Variants in ISM1 observed in about 807,000 individuals in gnomAD.
The protein encoded by ISM1 is isthmin-1.
ISM1 carries 25 observed loss-of-function variants against 46.3 expected under a neutral mutation model. The ratio of observed to expected loss-of-function variants is 0.54; its 90% CI spans 0.39 to 0.75. The LOEUF is 0.75. Among genes scored for constraint, ISM1 ranks in the 30% least tolerant of loss-of-function variants. The pLI, the probability that ISM1 is intolerant of heterozygous loss-of-function variation, is 0.00. For synonymous variants in ISM1, 255 were observed against 256.7 expected, an observed-to-expected ratio of 0.99 and a Z score of 0.06; for missense variants, 536 against 625.4, an observed-to-expected ratio of 0.86 and a Z score of 1.52.
chr20:13,245,743 T>G (rs1416121137), intron 1 of ISM1, among the ~76,000 whole-genome samples: 2 of 152,218 alleles, frequency 1.3e-5, no homozygotes, highest in Non-Finnish European at 2.9e-5. Context: ...ATACTTAGTT[T>G]CATCTTCTAA....
intron 5 of ISM1, among the ~76,000 whole-genome samples, chr20:13,293,955 C>A (rs542060727): frequency 1.3e-5 from 2 of 149,436 alleles, no homozygotes; most frequent in Admixed American, 1.3e-4. Context: ...GCTTGGGCAA[C>A]AAGAGTGAAA....
the ISM1 span, among the ~76,000 whole-genome samples, chr20:13,310,881 T>TA: frequency 6.6e-6 from 1 of 152,104 alleles, no homozygotes; most frequent in Non-Finnish European, 1.5e-5. Flanking sequence ...TTCATACCTG[T>TA]AAGGAAGATG....
At chr20:13,289,545 C>A (rs551084003) in intron 4 of ISM1, among the ~76,000 whole-genome samples, 1 of 152,146 alleles carries the variant, frequency 6.6e-6, no homozygotes, top group South Asian at 2.1e-4. Flanking sequence ...AAACTATGGC[C>A]AGGTCTGGCT....
chr20:13,233,154 C>T (rs1403433150), intron 1 of ISM1, among the ~76,000 whole-genome samples: 5 of 152,258 alleles, frequency 3.3e-5, no homozygotes, highest in Non-Finnish European at 7.3e-5. Flanking sequence ...ATTAAGAAAA[C>T]CAGAAATAGA....
At chr20:13,234,501 C>T (rs142207175) in intron 1 of ISM1, among the ~76,000 whole-genome samples, 96 of 152,174 alleles carry the variant, frequency 6.3e-4, no homozygotes, top group African/African-American at 2.1e-3. Flanking sequence ...AATGGTAGTT[C>T]TCTTTTTGGT....
intron 2 of ISM1, among the ~76,000 whole-genome samples, chr20:13,275,901 C>T (rs989764504): frequency 2.6e-5 from 4 of 152,180 alleles, no homozygotes; most frequent in African/African-American, 4.8e-5. Context: ...AGCCAGTTTC[C>T]GTCCCTGAAA....
chr20:13,258,682 C>T (rs1363276014), intron 1 of ISM1, among the ~76,000 whole-genome samples: 3 of 152,066 alleles, frequency 2.0e-5, no homozygotes, highest in Non-Finnish European at 4.4e-5. Context: ...GTAGAATTCT[C>T]GTTGGTGAGA....
chr20:13,251,770 T>C (rs978310101), intron 1 of ISM1, among the ~76,000 whole-genome samples: 4 of 152,202 alleles, frequency 2.6e-5, no homozygotes, highest in African/African-American at 9.7e-5. Context: ...TAGCATGCCA[T>C]GTTGGAGAAC....
chr20:13,249,173 A>T (rs1410704656), intron 1 of ISM1, among the ~76,000 whole-genome samples: 1 of 152,204 alleles, frequency 6.6e-6, no homozygotes, highest in Non-Finnish European at 1.5e-5. Flanking sequence ...GGGGGGAAAA[A>T]GCCAAATCTC....
intron 1 of ISM1, chr20:13,243,978 G>C (rs989628876): frequency 3.9e-5 from 6 of 152,178 alleles, no homozygotes; most frequent in Admixed American, 3.9e-4. Flanking sequence ...AATGCTCATG[G>C]TATTTGCAGA....
chr20:13,311,027 C>T, the ISM1 span, among the ~76,000 whole-genome samples: 1 of 152,150 alleles, frequency 6.6e-6, no homozygotes, highest in Non-Finnish European at 1.5e-5. Context: ...AACCCCATCT[C>T]TACTGAAAAT....
chr20:13,272,835 A>C (rs1379094112), intron 2 of ISM1, among the ~76,000 whole-genome samples: 4 of 152,136 alleles, frequency 2.6e-5, no homozygotes, highest in Admixed American at 1.3e-4. Flanking sequence ...TGGCTCATCC[A>C]TGTGTTTATA....
intron 5 of ISM1, among the ~76,000 whole-genome samples, chr20:13,298,631 T>C (rs1326092848): frequency 2.0e-5 from 3 of 152,216 alleles, no homozygotes; most frequent in Non-Finnish European, 4.4e-5. Context: ...GTAGTCATTG[T>C]ATAAGAATAT....
At chr20:13,253,917 T>C (rs2039896754) in intron 1 of ISM1, among the ~76,000 whole-genome samples, 1 of 151,514 alleles carries the variant, frequency 6.6e-6, no homozygotes, top group Non-Finnish European at 1.5e-5. Context: ...AAAAACACAC[T>C]TATAAATGTG....
intron 1 of ISM1, among the ~76,000 whole-genome samples, chr20:13,247,064 C>T (rs769049575): frequency 1.3e-5 from 2 of 151,948 alleles, no homozygotes; most frequent in African/African-American, 4.8e-5. Flanking sequence ...GGTGAAACCC[C>T]GTCTCTACTG....
intron 4 of ISM1, 67 bp downstream of exon 4, chr20:13,288,750 T>C (rs2040320964): frequency 2.0e-6 from 3 of 1,476,452 alleles, no homozygotes; most frequent in East Asian, 2.3e-5. Flanking sequence ...ATTAAAAACT[T>C]AGTGACATTG....
At chr20:13,316,445 G>A in the ISM1 span, among the ~76,000 whole-genome samples, 511 of 151,920 alleles carry the variant, frequency 3.4e-3, 1 homozygote, top group Non-Finnish European at 5.8e-3. Context: ...CATCCTATGA[G>A]AGCAGCATTA....
At chr20:13,320,752 C>T in the ISM1 span, among the ~76,000 whole-genome samples, 1 of 152,094 alleles carries the variant, frequency 6.6e-6, no homozygotes, top group Non-Finnish European at 1.5e-5. Context: ...GATGACTGTC[C>T]AAGCTCTAGC....
chr20:13,297,620 G>C (rs1469112809), intron 5 of ISM1, among the ~76,000 whole-genome samples: 1 of 152,138 alleles, frequency 6.6e-6, no homozygotes, highest in Non-Finnish European at 1.5e-5. Context: ...TGCTGAGCTG[G>C]GGACCTTCGG....
Sources: gnomAD v4.1 joint callset for allele counts (sites outside exome capture counted in the v4.1 genomes callset) on GRCh38, gnomAD v4.1.1 for gene constraint, MANE v1.5 for transcripts, NCBI Gene and HGNC (gene_info 2026-07-23, HGNC 2026-07-21) for gene names.